Variants in DROSHA observed in about 807,000 individuals in gnomAD.
DROSHA encodes ribonuclease 3.
A neutral mutation model predicts 181.9 loss-of-function variants in DROSHA; 56 were observed. That is an observed-to-expected ratio of 0.31 (90% confidence interval 0.25 to 0.38). The LOEUF (loss-of-function observed/expected upper bound fraction) is 0.38, where lower values mean the gene tolerates loss of function less well. Among genes scored for constraint, DROSHA ranks in the 10% least tolerant of loss-of-function variants. The probability of loss-of-function intolerance (pLI) is 1.00; values close to 1 mark genes in which losing one functional copy is unlikely to be tolerated. For synonymous variants in DROSHA, 524 were observed against 591.2 expected (o/e 0.89, Z 1.65); for missense variants, 1,218 against 1,743.5 (o/e 0.70, Z 5.37).
intron 11 of DROSHA, among the ~76,000 whole-genome samples, chr5:31,500,695 G>A (rs1357648736): frequency 6.6e-6 from 1 of 152,206 alleles, no homozygotes; most frequent in Non-Finnish European, 1.5e-5. Flanking sequence ...GGCCAGGGCT[G>A]ACTACAAAAG....
At chr5:31,486,384 TATTC>T in intron 14 of DROSHA, 103 bp downstream of exon 14, 1 of 1,053,890 alleles carries the variant, frequency 9.5e-7, no homozygotes, top group East Asian at 2.4e-5. Flanking sequence ...ACTTTAGAGA[TATTC>T]CTGGCAAAAG....
At position 31,526,725 on chromosome 5, in the gene DROSHA, T is replaced by C; in HGVS notation, c.208A>G (p.Asn70Asp). 6.4e-7 allele frequency: 1 copy of C among 1,558,810 alleles called. No individual in the cohort carries two copies. The highest frequency in any genetic ancestry group is 8.6e-7 in the Non-Finnish European group (1 of 1,156,556). Reference protein sequence around the residue: ...STTFSNSPAPNFLPPRPDFVP... With the variant: ...STTFSNSPAPDFLPPRPDFVP... ...AAGTCTGGTCGTGGAGGGAGAAAAT[T>C]GGGGGCTGGAGAGTTTGAGAAAGTG... The change falls in exon 5 of 36, where the codon AAT becomes GAT. Residue 70 changes from asparagine (N) to aspartate (D), a missense_variant. Physicochemically the swap from Asn to Asp is conservative, Grantham distance 23 (BLOSUM62 1). Transcript: ENST00000344624.
chr5:31,461,358 G>A (rs982513800), intron 20 of DROSHA, among the ~76,000 whole-genome samples: 2 of 152,174 alleles, frequency 1.3e-5, no homozygotes, highest in Non-Finnish European at 2.9e-5. Flanking sequence ...ATTCCAGGAA[G>A]AGCTAACGTA....
chr5:31,507,146 C>T lies in DROSHA; in HGVS notation c.1587+1475G>A, dbSNP rs565619151. Among the ~76,000 whole-genome samples, 3 of 151,844 alleles carry T rather than the reference C, an allele frequency of 2.0e-5. No individual in the cohort carries two copies. In the South Asian group the frequency reaches 6.2e-4, roughly 32 times the overall value. On this transcript the variant is annotated intron_variant, in intron 10 of 35. Coordinates refer to ENST00000344624, the MANE Select transcript of DROSHA (RefSeq NM_001382508.1). The stretch of plus-strand genomic sequence containing the variant: ...CCTGGGCAACATAGCGAGACCTCAT[C>T]TCTACAAATAATTTTTTAAAACTAC...
intron 9 of DROSHA, 118 bp downstream of exon 9, chr5:31,510,917 G>GA: frequency 7.5e-7 from 1 of 1,334,866 alleles, no homozygotes; most frequent in Middle Eastern, 2.1e-4. Context: ...CTGTAATTAA[G>GA]AAAAATAAAA....
Position 31,521,151 on chromosome 5 carries a change from A to G in DROSHA, c.919T>C (p.Tyr307His). 1 of 1,613,632 alleles carries G rather than the reference A, an allele frequency of 6.2e-7. No individual in the cohort carries two copies. The highest frequency in any genetic ancestry group is 8.5e-7 in the Non-Finnish European group (1 of 1,179,628). The change falls in exon 6 of 36, where the codon TAC (tyrosine) becomes CAC (histidine). Residue 307 changes from tyrosine to histidine, a missense_variant. This residue lies in a region of DROSHA where 536 missense variants were observed against 535.4 expected (regional missense o/e 1.00). Coordinates refer to ENST00000344624, the MANE Select transcript of DROSHA (RefSeq NM_001382508.1). ...CCAGATCTCTTATACTCTTTTTTGT[A>G]GGACCTTTCCAGAGATGGTGATCTT... ...NRRSPSLERS[Y>H]KKEYKRSGRS...
intron 29 of DROSHA, 59 bp downstream of exon 29, chr5:31,422,728 G>T: frequency 1.3e-6 from 2 of 1,597,096 alleles, no homozygotes; most frequent in Non-Finnish European, 1.7e-6. Flanking sequence ...TGCTCCAAAG[G>T]TCTGGGACTG....
At chr5:31,441,026 G>A (rs997509484) in intron 23 of DROSHA, among the ~76,000 whole-genome samples, 9 of 151,400 alleles carry the variant, frequency 5.9e-5, no homozygotes, top group Non-Finnish European at 1.2e-4. Context: ...ATACTCAACT[G>A]TAATAGCCAA....
intron 27 of DROSHA, among the ~76,000 whole-genome samples, chr5:31,427,070 A>G (rs1018802983): frequency 2.0e-5 from 3 of 152,170 alleles, no homozygotes; most frequent in Admixed American, 6.5e-5. Flanking sequence ...GTTAAAAGTG[A>G]TGGGTTCAAT....
At chr5:31,527,910 T>C (rs1338043071) in intron 4 of DROSHA, among the ~76,000 whole-genome samples, 1 of 152,198 alleles carries the variant, frequency 6.6e-6, no homozygotes, top group East Asian at 1.9e-4. Context: ...AGTGACATGA[T>C]CAGTGCCCAC....
rs758000616 is a variant in DROSHA at position 31,495,380 on chromosome 5, GA to G, written c.1669-9del. The G allele has an allele frequency of 1.2e-6, 2 of 1,607,572 alleles. No homozygotes were observed. The highest frequency in any genetic ancestry group is 1.3e-5 in the African/African-American group (1 of 74,434). On this transcript the variant is annotated splice_polypyrimidine_tract_variant and intron_variant, in intron 11 of 35. Transcript: ENST00000344624. The stretch of plus-strand genomic sequence containing the variant: ...ACGACAGGGCTTGATGGCCTGAGGG[GA>G]AAAAAACGAAAATCAGTTTACAAGT...
At chr5:31,522,090 A>G (rs1651079746) in intron 5 of DROSHA, among the ~76,000 whole-genome samples, 1 of 152,234 alleles carries the variant, frequency 6.6e-6, no homozygotes, top group African/African-American at 2.4e-5. Flanking sequence ...TGAAAATAGA[A>G]CTTACAAAAC....
chr5:31,500,311 G>C (rs1753448625), intron 11 of DROSHA, among the ~76,000 whole-genome samples: 1 of 152,234 alleles, frequency 6.6e-6, no homozygotes, highest in South Asian at 2.1e-4. Context: ...GAAGTCTGCA[G>C]AGGACCTGAT....
At chr5:31,476,104 C>G (rs569902279) in intron 16 of DROSHA, among the ~76,000 whole-genome samples, 1 of 152,298 alleles carries the variant, frequency 6.6e-6, no homozygotes, top group Non-Finnish European at 1.5e-5. Flanking sequence ...GTAGCTCACG[C>G]CTGTAATCCC....
intron 28 of DROSHA, among the ~76,000 whole-genome samples, chr5:31,423,562 C>G (rs1311908139): frequency 1.3e-5 from 2 of 152,122 alleles, no homozygotes; most frequent in Non-Finnish European, 2.9e-5. Context: ...AGGTGGTGCT[C>G]CAACAATGAG....
chr5:31,452,000 ATCT>A (rs1392543124), intron 20 of DROSHA, among the ~76,000 whole-genome samples: 2 of 152,196 alleles, frequency 1.3e-5, no homozygotes, highest in Non-Finnish European at 2.9e-5. Context: ...AAATACAAAA[ATCT>A]TCTTAGAACA....
intron 16 of DROSHA, among the ~76,000 whole-genome samples, chr5:31,481,346 C>T (rs1751012379): frequency 6.6e-6 from 1 of 152,130 alleles, no homozygotes; most frequent in Non-Finnish European, 1.5e-5. Flanking sequence ...CACATAGTTA[C>T]GTGAGAGTTG....
chr5:31,505,750 T>C (rs1346756274), intron 10 of DROSHA: 1 of 152,238 alleles, frequency 6.6e-6, no homozygotes, highest in Middle Eastern at 3.2e-3. Context: ...TCTTCGTTTC[T>C]TCTCCACTCC....
intron 11 of DROSHA, among the ~76,000 whole-genome samples, chr5:31,500,047 T>G (rs1753412860): frequency 6.6e-6 from 1 of 152,040 alleles, no homozygotes; most frequent in Admixed American, 6.5e-5. Context: ...CTCCCCAGAT[T>G]CCTCTAAATC....
Sources: allele counts gnomAD v4.1 joint callset (sites outside exome capture counted in the v4.1 genomes callset), GRCh38; gene constraint gnomAD v4.1.1; regional missense constraint gnomAD v4.1.1; transcripts MANE v1.5; gene names NCBI Gene and HGNC (gene_info 2026-07-23, HGNC 2026-07-21).